The following PER1 variants were observed in gnomAD, a reference collection of about 807,000 sequenced individuals.
PER1 encodes the protein period circadian regulator 1.
In PER1, 87 loss-of-function variants were observed where a neutral mutation model predicts 125.9. That is an observed-to-expected ratio of 0.69 (90% CI 0.58 to 0.83). The LOEUF (loss-of-function observed/expected upper bound fraction) is 0.83. Ranked by LOEUF, PER1 falls within the 40% of genes least tolerant of loss-of-function variation. The pLI is 0.00. For missense variants in PER1, 1,775 were observed against 1,722.8 expected (o/e 1.03, Z -0.54); for synonymous variants, 801 against 714.7 (o/e 1.12, Z -1.93).
rs764972604 is a variant in PER1, at chr17:8,144,823, G to T, written c.2389C>A (p.Arg797Ser). 6.3e-7 allele frequency: 1 copy of T among 1,584,748 alleles called. No individual in the cohort carries two copies. The highest frequency in any genetic ancestry group is 1.7e-4 in the Middle Eastern group (1 of 5,972). The change falls in exon 18 of 23, where the codon CGC (arginine) becomes AGC (serine). Residue 797 changes from arginine (R) to serine (S), a missense_variant. Arg to Ser is a moderately radical substitution (Grantham distance 110). Transcript: ENST00000317276. The stretch of plus-strand genomic sequence containing the variant: ...CGCAGCCTGCCCAGGTCTCGGAAGC[G>T]GCTGAGGAAGGCTTGCTCTTCCTTC... ...TQKEEQAFLS[R>S]FRDLGRLRGL... is the part of the protein sequence containing the mutation.
intron 8 of PER1, 72 bp from the exon 9 acceptor site, chr17:8,148,331 G>T: frequency 7.9e-7 from 1 of 1,273,216 alleles, no homozygotes; most frequent in Non-Finnish European, 1.1e-6. Context: ...ACTCTGCCTG[G>T]GCCCAGGCTG....
intron 16 of PER1, 100 bp from the exon 17 acceptor site, chr17:8,146,237 G>A: frequency 6.6e-7 from 1 of 1,525,148 alleles, no homozygotes; most frequent in South Asian, 1.3e-5. Flanking sequence ...GTAGGGAACA[G>A]AGGGAACAGT....
Position 8,148,787 on chromosome 17 carries a change from C to G in PER1, c.906-1G>C, listed in dbSNP as rs375823514. On this transcript the variant is annotated splice_acceptor_variant, in intron 7 of 22. Transcript: ENST00000317276. LOFTEE classifies it high-confidence loss of function. ...CCCTGGATCCCGGTCAGGACCTCCT[C>G]TAGCAAAGGAGAGAGGAGCATTAGG... 3 of 1,613,326 alleles carry G rather than the reference C, an allele frequency of 1.9e-6. No individual in the cohort carries two copies. The African/African-American group carries it at 4.0e-5, about 22-fold the overall frequency.
intron 20 of PER1, 86 bp downstream of exon 20, chr17:8,142,563 T>C (rs962911311): frequency 1.3e-6 from 2 of 1,568,842 alleles, no homozygotes; most frequent in African/African-American, 1.4e-5. Context: ...CCAGTGGCCT[T>C]AGGAAGCTCC....
chr17:8,150,190 G>T (rs971032869), intron 3 of PER1, 29 bp downstream of exon 3: 2 of 1,599,500 alleles, frequency 1.3e-6, no homozygotes, highest in Admixed American at 3.4e-5. Context: ...TGGGCCCCCA[G>T]ACCTCTCCTC....
chr17:8,149,928 G>A (rs1170265070), intron 4 of PER1, 43 bp downstream of exon 4: 1 of 1,614,004 alleles, frequency 6.2e-7, no homozygotes, highest in African/African-American at 1.3e-5. Context: ...CTCAACACGG[G>A]AGCCCAGGCC....
intron 13 of PER1, 88 bp downstream of exon 13, chr17:8,147,162 C>T (rs537922668): frequency 1.0e-5 from 15 of 1,498,502 alleles, no homozygotes; most frequent in South Asian, 6.2e-5. Flanking sequence ...AAAGGAGGAT[C>T]GGGCAAGACT....
chr17:8,148,573 A>G lies in PER1; in HGVS notation c.1048+71T>C, dbSNP rs1332215689. The G allele has an allele frequency of 8.6e-6, 13 of 1,513,246 alleles. No homozygotes were observed. The East Asian group carries it at 2.3e-4, about 27-fold the overall frequency. 93.7% of individuals were successfully genotyped at this position (1,513,246 alleles called of 1,614,324 possible). On this transcript the variant is annotated intron_variant, in intron 8 of 22. Transcript: ENST00000317276. The stretch of plus-strand genomic sequence containing the variant: ...CAAAGGGTGTGGTTCATGCCTCCCA[A>G]ATTCATGTCTGGCCATGAGGAAATG...
chr17:8,142,838 G>A lies in PER1; in HGVS notation c.3073-3C>T. The A allele has an allele frequency of 3.8e-6, 6 of 1,588,182 alleles. No individual in the cohort carries two copies. The highest frequency in any genetic ancestry group is 5.1e-6 in the Non-Finnish European group (6 of 1,170,286). On this transcript the variant is annotated splice_region_variant and splice_polypyrimidine_tract_variant and intron_variant, in intron 19 of 22. Coordinates refer to ENST00000317276, the MANE Select transcript of PER1 (RefSeq NM_002616.3). ...TTGGAGGACTCAGTGACCTCCGCCTGGAGGAGGGGAGGGGGGCAAGGAGGG... is the reference window on the plus strand; with the variant it reads ...TTGGAGGACTCAGTGACCTCCGCCTAGAGGAGGGGAGGGGGGCAAGGAGGG...
rs1982584720 is a variant in PER1, at chr17:8,148,216, G to A, written c.1092C>T (p.His364=). ...PPDKRIFTTR[H]TPSCLFQDVD... The stretch of plus-strand genomic sequence containing the variant: ...CATCCTGGAAGAGGCAGCTGGGTGT[G>A]TGCCGCGTAGTGAAAATCCTCTTGT... Residue 364 remains histidine (H), a synonymous_variant, in exon 9 of 23, where the codon CAC becomes CAT. Coordinates refer to ENST00000317276, the MANE Select transcript of PER1 (RefSeq NM_002616.3). The A allele has an allele frequency of 6.2e-7, 1 of 1,614,026 alleles. No individual in the cohort carries two copies. Among genetic ancestry groups the A allele is most frequent in the Non-Finnish European group, 8.5e-7 (1 of 1,180,010 alleles).
At position 8,141,094 on chromosome 17, in the gene PER1, G is replaced by C. The variant is rs1218643368; in HGVS notation, c.3847C>G (p.Pro1283Ala). 2 of 1,613,840 alleles carry C rather than the reference G, an allele frequency of 1.2e-6. No homozygotes were observed. Among genetic ancestry groups the C allele is most frequent in the South Asian group, 2.2e-5 (2 of 91,048 alleles). Residue 1283 changes from proline (P) to alanine (A), a missense_variant, in exon 23 of 23, where the codon CCT (proline) becomes GCT (alanine). Pro to Ala is a conservative substitution (Grantham distance 27). Transcript: ENST00000317276. Reference protein sequence around the residue: ...EGRSSSSPALPTAGNCTS With the variant: ...EGRSSSSPALATAGNCTS The stretch of plus-strand genomic sequence containing the variant: ...TAGCTGGTGCAGTTTCCTGCTGTAG[G>C]TAAGGCTGGACTGGATGAGCTCCTG...
rs767512148 is a variant in PER1, at chr17:8,144,999, G to A, written c.2219-6C>T. On this transcript the variant is annotated splice_region_variant and splice_polypyrimidine_tract_variant and intron_variant, in intron 17 of 22. Coordinates refer to ENST00000317276, the MANE Select transcript of PER1 (RefSeq NM_002616.3). ...GTCCTCCATCATGATGATGTCTGAG[G>A]AGAGTGAGATAGGGAAAGGTCATCA... The A allele has an allele frequency of 6.7e-5, 98 of 1,473,316 alleles. No individual in the cohort carries two copies. In the Middle Eastern group the frequency reaches 1.6e-3, roughly 23 times the overall value. The allele number at this position is 1,473,316 out of a possible 1,614,324, so 91.3% of individuals were successfully genotyped here. A position where few individuals can be genotyped will look rare whatever the true frequency, so the allele number is the denominator to read the frequency against.
chr17:8,150,752 C>G lies in PER1; in HGVS notation c.-46G>C. 1 of 1,484,812 alleles carries G rather than the reference C, an allele frequency of 6.7e-7. No homozygotes were observed. Among genetic ancestry groups the G allele is most frequent in the East Asian group, 2.3e-5 (1 of 43,548 alleles). 92.0% of individuals were successfully genotyped at this position (1,484,812 alleles called of 1,614,324 possible). A position where few individuals can be genotyped will look rare whatever the true frequency, so the allele number is the denominator to read the frequency against. On this transcript the variant is annotated 5_prime_UTR_variant, in exon 2 of 23. Coordinates refer to ENST00000317276, the MANE Select transcript of PER1 (RefSeq NM_002616.3). Reference sequence around the variant, plus strand: ...AGAACAGAGAAGGCAGAGAGGCCACCACGGATGCACGAGGGGGCCTGGAGG... The same window carrying G: ...AGAACAGAGAAGGCAGAGAGGCCACGACGGATGCACGAGGGGGCCTGGAGG...
Position 8,141,400 on chromosome 17 carries a change from C to T in PER1, c.3601-60G>A, listed in dbSNP as rs181303695. 6.2e-5 allele frequency: 95 copies of T among 1,520,868 alleles called. 1 individual carries two copies. The East Asian group carries it at 1.2e-3, about 19-fold the overall frequency. The allele number at this position is 1,520,868 out of a possible 1,614,324, so 94.2% of individuals were successfully genotyped here. A position where few individuals can be genotyped will look rare whatever the true frequency, so the allele number is the denominator to read the frequency against. ...AGGGTTCTCACTGCTAACCTGCCAGCGCAGCTTCCCACCCCCAGCCCACTG... is the reference window on the plus strand; with the variant it reads ...AGGGTTCTCACTGCTAACCTGCCAGTGCAGCTTCCCACCCCCAGCCCACTG... On this transcript the variant is annotated intron_variant, in intron 22 of 22. Transcript: ENST00000317276.
chr17:8,150,373 A>G (rs1982779145), intron 2 of PER1, 56 bp from the exon 3 acceptor site: 5 of 1,559,132 alleles, frequency 3.2e-6, no homozygotes, highest in Non-Finnish European at 4.3e-6. Flanking sequence ...GAGGCCTGTC[A>G]CCCAGCTCTG....
chr17:8,143,547 G>C lies in PER1; in HGVS notation c.2791C>G (p.Pro931Ala). 1 of 1,502,728 alleles carries C rather than the reference G, an allele frequency of 6.7e-7. No individual in the cohort carries two copies. Among genetic ancestry groups the C allele is most frequent in the Non-Finnish European group, 8.9e-7 (1 of 1,121,188 alleles). 93.1% of individuals were successfully genotyped at this position (1,502,728 alleles called of 1,614,324 possible). A position where few individuals can be genotyped will look rare whatever the true frequency, so the allele number is the denominator to read the frequency against. ...AGTGCCCCATAAGGATAGCTGGATG[G>C]GGTTGGGAACAGATAGTTAGGGAGC... Reference protein sequence around the residue: ...LVLPNYLFPTPSSYPYGALQT... With the variant: ...LVLPNYLFPTASSYPYGALQT... The change falls in exon 19 of 23, where the codon CCA becomes GCA. Residue 931 changes from proline (P) to alanine (A), a missense_variant. Transcript: ENST00000317276.
At chr17:8,144,586 A>C (rs373951161) in intron 18 of PER1, 165 bp downstream of exon 18, 2 of 874,356 alleles carry the variant, frequency 2.3e-6, no homozygotes, top group African/African-American at 3.4e-5. Flanking sequence ...ACCCCATCCT[A>C]GTGGGGAGAA....
At chr17:8,142,609 A>G (rs1422602999) in intron 20 of PER1, 40 bp downstream of exon 20, 8 of 1,600,848 alleles carry the variant, frequency 5.0e-6, no homozygotes, top group Non-Finnish European at 6.8e-6. Context: ...CTCCCCAATC[A>G]CTGCCCTACC....
At position 8,150,214 on chromosome 17, in the gene PER1, C is replaced by T. The variant is rs756247302; in HGVS notation, c.374+5G>A. 51 of 1,587,360 alleles carry T rather than the reference C, an allele frequency of 3.2e-5. No homozygotes were observed. The highest frequency in any genetic ancestry group is 4.0e-5 in the Non-Finnish European group (47 of 1,162,424). Reference sequence around the variant, plus strand: ...AGACCTCTCCTCCAGCCTCACCCGACGTACCTGCAGCCACTGGTGGACGGG... The same window carrying T: ...AGACCTCTCCTCCAGCCTCACCCGATGTACCTGCAGCCACTGGTGGACGGG... On this transcript the variant is annotated splice_donor_5th_base_variant and intron_variant, in intron 3 of 22. Coordinates refer to ENST00000317276, the MANE Select transcript of PER1 (RefSeq NM_002616.3).
Sources: allele counts gnomAD v4.1 joint callset, GRCh38; gene constraint gnomAD v4.1.1; transcripts MANE v1.5; gene names NCBI Gene and HGNC (gene_info 2026-07-23, HGNC 2026-07-21).